The following CACHD1 variants were observed in gnomAD, a reference collection of about 807,000 sequenced individuals.
CACHD1 encodes cache domain containing 1.
A neutral mutation model predicts 138.7 loss-of-function variants in CACHD1; 71 were observed. That is an observed-to-expected ratio of 0.51 (90% CI 0.42 to 0.62). The LOEUF is 0.62. CACHD1 is among the 20% of genes least tolerant of loss of function. The pLI is 0.00. For synonymous variants in CACHD1, 578 were observed against 591.5 expected (o/e 0.98, Z 0.33); for missense variants, 1,389 against 1,625.3 (o/e 0.85, Z 2.50).
chr1:64,582,253 C>G lies in CACHD1; in HGVS notation c.359C>G (p.Ser120Cys). Residue 120 changes from serine (S) to cysteine (C), a missense_variant, in exon 3 of 27, where the codon TCT becomes TGT. Around this residue, in one of 5 missense-constraint regions of CACHD1, gnomAD observed 1,000 missense variants for 1,114.7 expected, o/e 0.90. Transcript: ENST00000651257. ...VEASYTAHLT[S>C]PLTAIQDCCT... Reference sequence around the variant, plus strand: ...GCATCCTATACGGCTCACCTAACCTCTCCCCTAACTGCAATTCAAGACTGC... The same window carrying G: ...GCATCCTATACGGCTCACCTAACCTGTCCCCTAACTGCAATTCAAGACTGC... 6.2e-7 allele frequency: 1 copy of G among 1,614,014 alleles called. No homozygotes were observed.
intron 26 of CACHD1, among the ~76,000 whole-genome samples, chr1:64,691,099 G>A (rs1650537310): frequency 6.6e-6 from 1 of 151,980 alleles, no homozygotes; most frequent in South Asian, 2.1e-4. Flanking sequence ...GCTGTCTGAA[G>A]TGGTTATGTA....
At chr1:64,505,487 T>A (rs1646365580) in intron 1 of CACHD1, among the ~76,000 whole-genome samples, 1 of 151,952 alleles carries the variant, frequency 6.6e-6, no homozygotes, top group African/African-American at 2.4e-5. Flanking sequence ...CTCAGGAGCC[T>A]GATTAGGTGC....
intron 2 of CACHD1, among the ~76,000 whole-genome samples, chr1:64,569,690 A>G (rs985111859): frequency 2.0e-5 from 3 of 152,150 alleles, no homozygotes; most frequent in African/African-American, 7.2e-5. Context: ...TAGTTTTATA[A>G]AAGTCAGCTT....
chr1:64,673,369 A>G lies in CACHD1; in HGVS notation c.2632A>G (p.Ile878Val). ...GTAGGAGCCCCTGGTAGCAAATGATATCCTCAACCACCCCAACTTTGTAAA... is the reference window on the plus strand; with the variant it reads ...GTAGGAGCCCCTGGTAGCAAATGATGTCCTCAACCACCCCAACTTTGTAAA... ...THKEPLVAND[I>V]LNHPNFVKKN... is the part of the protein sequence containing the mutation. Residue 878 changes from isoleucine to valine, a missense_variant, in exon 19 of 27, where the codon ATC (isoleucine) becomes GTC (valine). Ile to Val is a conservative substitution (Grantham distance 29). Transcript: ENST00000651257. The G allele has an allele frequency of 1.9e-6, 3 of 1,614,110 alleles. No homozygotes were observed. The highest frequency in any genetic ancestry group is 2.5e-6 in the Non-Finnish European group (3 of 1,179,984).
intron 1 of CACHD1, among the ~76,000 whole-genome samples, chr1:64,549,503 C>T (rs1646742744): frequency 6.6e-6 from 1 of 152,010 alleles, no homozygotes; most frequent in Admixed American, 6.5e-5. Context: ...CTGCACTCCA[C>T]CCCCCGACCA....
chr1:64,666,246 C>A, intron 16 of CACHD1, 79 bp downstream of exon 16: 1 of 855,524 alleles, frequency 1.2e-6, no homozygotes, highest in Non-Finnish European at 1.8e-6. Context: ...AGAGTACGCG[C>A]ACCAAGGCTT....
intron 4 of CACHD1, among the ~76,000 whole-genome samples, chr1:64,605,195 A>G (rs1441008110): frequency 6.6e-6 from 1 of 151,060 alleles, no homozygotes; most frequent in Non-Finnish European, 1.5e-5. Flanking sequence ...GAACTCCTAA[A>G]CTCAGGTGGT....
chr1:64,610,658 G>A (rs530131552), intron 4 of CACHD1, among the ~76,000 whole-genome samples: 2 of 152,332 alleles, frequency 1.3e-5, no homozygotes, highest in East Asian at 3.9e-4. Context: ...GGCTTTGCAG[G>A]GTAAGCCCAC....
At chr1:64,623,923 GA>G (rs1488392774) in intron 4 of CACHD1, among the ~76,000 whole-genome samples, 2 of 152,184 alleles carry the variant, frequency 1.3e-5, no homozygotes, top group Non-Finnish European at 2.9e-5. Flanking sequence ...CATTTCTGAG[GA>G]AAGAGTGAGT....
intron 2 of CACHD1, among the ~76,000 whole-genome samples, chr1:64,573,561 C>A (rs1646942989): frequency 6.6e-6 from 1 of 152,184 alleles, no homozygotes; most frequent in South Asian, 2.1e-4. Flanking sequence ...TTCTGATTGG[C>A]TTGAACCAGA....
intron 3 of CACHD1, among the ~76,000 whole-genome samples, chr1:64,582,905 C>T (rs1647023666): frequency 6.6e-6 from 1 of 152,070 alleles, no homozygotes; most frequent in African/African-American, 2.4e-5. Context: ...TTAAGTTTGA[C>T]TTGGTCTTTA....
chr1:64,599,509 G>A (rs1020989182), intron 3 of CACHD1, among the ~76,000 whole-genome samples: 2 of 152,204 alleles, frequency 1.3e-5, no homozygotes, highest in Admixed American at 6.5e-5. Context: ...GAACAGAAGA[G>A]CACATAGGGA....
chr1:64,643,799 C>T (rs1229071654), intron 8 of CACHD1, among the ~76,000 whole-genome samples: 1 of 152,208 alleles, frequency 6.6e-6, no homozygotes, highest in African/African-American at 2.4e-5. Context: ...GATTGCACCA[C>T]TGCACTCCAG....
intron 2 of CACHD1, among the ~76,000 whole-genome samples, chr1:64,554,649 G>A (rs1211375185): frequency 6.6e-6 from 1 of 152,140 alleles, no homozygotes; most frequent in South Asian, 2.1e-4. Flanking sequence ...GTAAATTTTT[G>A]TGGTTTTGTT....
intron 2 of CACHD1, among the ~76,000 whole-genome samples, chr1:64,570,510 C>T (rs1348043908): frequency 2.0e-5 from 3 of 152,146 alleles, no homozygotes; most frequent in South Asian, 2.1e-4. Flanking sequence ...TGGCACCAGC[C>T]TCTAAAGGAA....
chr1:64,567,930 G>A (rs1005054292), intron 2 of CACHD1, among the ~76,000 whole-genome samples: 1 of 152,050 alleles, frequency 6.6e-6, no homozygotes, highest in African/African-American at 2.4e-5. Flanking sequence ...TGTTAGCGAC[G>A]AGCTTTTAGC....
intron 1 of CACHD1, among the ~76,000 whole-genome samples, chr1:64,473,753 CTT>C (rs932812327): frequency 6.6e-6 from 1 of 152,152 alleles, no homozygotes; most frequent in African/African-American, 2.4e-5. Context: ...AATGTTCAGA[CTT>C]TTATATTGCT....
chr1:64,621,669 G>A (rs1375838667), intron 4 of CACHD1, among the ~76,000 whole-genome samples: 1 of 152,160 alleles, frequency 6.6e-6, no homozygotes, highest in East Asian at 1.9e-4. Flanking sequence ...TTTATGAAAA[G>A]TGAAGAAAGA....
At chr1:64,595,309 C>G (rs370214302) in intron 3 of CACHD1, among the ~76,000 whole-genome samples, 1 of 152,186 alleles carries the variant, frequency 6.6e-6, no homozygotes, top group East Asian at 1.9e-4. Flanking sequence ...GTGTATTTAT[C>G]CAGCAGACAT....
Sources: allele counts gnomAD v4.1 joint callset (sites outside exome capture counted in the v4.1 genomes callset), GRCh38; gene constraint gnomAD v4.1.1; regional missense constraint gnomAD v4.1.1; transcripts MANE v1.5; gene names NCBI Gene and HGNC (gene_info 2026-07-23, HGNC 2026-07-21).